Variants in NAGPA observed in about 807,000 individuals in gnomAD.
NAGPA encodes N-acetylglucosamine-1-phosphodiester alpha-N-acetylglucosaminidase, also known as alpha-N-acetylglucosaminyl phosphodiesterase.
In NAGPA, 56 loss-of-function variants were observed where a neutral mutation model predicts 48.5. The observed-to-expected ratio is 1.15, with a 90% CI of 0.93 to 1.44. The LOEUF (loss-of-function observed/expected upper bound fraction) is 1.44. Ranked by LOEUF, NAGPA falls within the 40% of genes most tolerant of loss-of-function variation. The pLI, the probability that NAGPA is intolerant of heterozygous loss-of-function variation, is 0.00. For synonymous variants in NAGPA, 399 were observed against 315.5 expected, an observed-to-expected ratio of 1.26 and a Z score of -2.81; for missense variants, 888 against 735.0, an observed-to-expected ratio of 1.21 and a Z score of -2.41.
At chr16:5,032,962 A>C (rs978489320) in intron 2 of NAGPA, 1 of 496,056 alleles carries the variant, frequency 2.0e-6, no homozygotes, top group Non-Finnish European at 3.6e-6. Flanking sequence ...CTGCACACAC[A>C]GCAATCAGAA....
In NAGPA at chr16:5,025,396, G is replaced by C. The variant is rs1391343849; in HGVS notation, c.*82C>G. ...GAGGACACCCAGATGGTCCACGCCA[G>C]TGGCCTTGAAATTTCCCCTGCAGAA... On this transcript the variant is annotated 3_prime_UTR_variant, in exon 10 of 10. Coordinates refer to ENST00000312251, the MANE Select transcript of NAGPA (RefSeq NM_016256.4). The C allele has an allele frequency of 5.8e-6, 9 of 1,538,580 alleles. No individual in the cohort carries two copies. Among genetic ancestry groups the C allele is most frequent in the South Asian group, 1.1e-5 (1 of 87,292 alleles).
chr16:5,031,932 C>G (rs370705320), intron 2 of NAGPA, 48 bp from the exon 3 acceptor site: 1 of 1,613,172 alleles, frequency 6.2e-7, no homozygotes, highest in Non-Finnish European at 8.5e-7. Flanking sequence ...GGGGCAACTG[C>G]AGATAGTCAG....
intron 5 of NAGPA, 137 bp from the exon 6 acceptor site, chr16:5,028,322 T>C (rs1265840511): frequency 6.7e-7 from 1 of 1,496,906 alleles, no homozygotes; most frequent in South Asian, 1.2e-5. Flanking sequence ...TATCTATTTT[T>C]GAGATGAGGT....
intron 3 of NAGPA, 175 bp from the exon 4 acceptor site, chr16:5,030,668 G>A (rs1314796333): frequency 3.0e-6 from 2 of 674,310 alleles, no homozygotes; most frequent in Non-Finnish European, 2.7e-6. Flanking sequence ...GGCAGCCGGG[G>A]GGTCTCTTCT....
In NAGPA at chr16:5,025,637, GA is replaced by G. The variant is rs769690422; in HGVS notation, c.1388del (p.Ile463ThrfsTer32). 16 of 1,613,708 alleles carry G rather than the reference GA, an allele frequency of 9.9e-6. No homozygotes were observed. In the East Asian group the frequency reaches 3.6e-4, roughly 36 times the overall value. On this transcript the variant is annotated frameshift_variant, in exon 10 of 10. Transcript: ENST00000312251. LOFTEE classifies it low-confidence loss of function (END_TRUNC). ...GCAAGGACAGGTTTGCTGCAGTGCTGATCAGCAGGAGGAAGGCCAGCGCCAG... is the reference window on the plus strand; with the variant it reads ...GCAAGGACAGGTTTGCTGCAGTGCTGTCAGCAGGAGGAAGGCCAGCGCCAG... ...LTLALAFLLL[I>X]STAANLSLLL...
At chr16:5,027,792 G>T in intron 7 of NAGPA, 54 bp downstream of exon 7, 1 of 1,548,706 alleles carries the variant, frequency 6.5e-7, no homozygotes, top group Non-Finnish European at 8.7e-7. Context: ...AGGAGCAGTG[G>T]GGGCTGCCGG....
Position 5,028,985 on chromosome 16 carries a change from TCCG to T in NAGPA, c.812_814del (p.Ala271del), listed in dbSNP as rs747674079. The stretch of plus-strand genomic sequence containing the variant: ...GACCACGTCCTGTTTCAGCAGGAAC[TCCG>T]CCATTTCCCACAGGTTGATGCTGCG... On this transcript the variant is annotated inframe_deletion, in exon 5 of 10. Transcript: ENST00000312251. 6.2e-7 allele frequency: 1 copy of T among 1,613,740 alleles called. No homozygotes were observed. The highest frequency in any genetic ancestry group is 8.5e-7 in the Non-Finnish European group (1 of 1,180,042).
In NAGPA at chr16:5,033,879, C is replaced by T; in HGVS notation, c.36G>A (p.Arg12=). ...ATSTGRWLLL[R]LALFGFLWEA... Reference sequence around the variant, plus strand: ...CCCAGAGGAAGCCGAATAGTGCAAGCCGGAGGAGAAGCCAGCGACCCGTGG... The same window carrying T: ...CCCAGAGGAAGCCGAATAGTGCAAGTCGGAGGAGAAGCCAGCGACCCGTGG... The change falls in exon 1 of 10, where the codon CGG becomes CGA. Residue 12 remains arginine (R), a synonymous_variant. Transcript: ENST00000312251. This position sits in a 1 kb window ranked among gnomAD's most constrained non-coding sequence, Gnocchi z 4.2. The T allele has an allele frequency of 1.3e-6, 2 of 1,549,320 alleles. No individual in the cohort carries two copies. Among genetic ancestry groups the T allele is most frequent in the South Asian group, 1.2e-5 (1 of 83,986 alleles).
At position 5,033,836 on chromosome 16, in the gene NAGPA, C is replaced by A. The variant is rs904096255; in HGVS notation, c.79G>T (p.Asp27Tyr). 11 of 1,550,780 alleles carry A rather than the reference C, an allele frequency of 7.1e-6. No individual in the cohort carries two copies. In the African/African-American group the frequency reaches 1.2e-4, roughly 17 times the overall value. ...GFLWEASGGL[D>Y]SGASRDDDLL... Reference sequence around the variant, plus strand: ...CCAGGGAGCTGCACTCACCCCGAGTCGAGGCCGCCGGACGCTTCCCAGAGG... The same window carrying A: ...CCAGGGAGCTGCACTCACCCCGAGTAGAGGCCGCCGGACGCTTCCCAGAGG... The change falls in exon 1 of 10, where the codon GAC (aspartate) becomes TAC (tyrosine). Residue 27 changes from aspartate to tyrosine, a missense_variant. Coordinates refer to ENST00000312251, the MANE Select transcript of NAGPA (RefSeq NM_016256.4). This position sits in a 1 kb window ranked among gnomAD's most constrained non-coding sequence, Gnocchi z 4.2.
intron 9 of NAGPA, 33 bp downstream of exon 9, chr16:5,027,102 C>A (rs151317776): frequency 2.0e-5 from 33 of 1,612,586 alleles, no homozygotes; most frequent in Middle Eastern, 1.7e-4. Flanking sequence ...GGATTCCTCC[C>A]GCCCTGGCCC....
At position 5,033,281 on chromosome 16, in the gene NAGPA, C is replaced by T. The variant is rs761793673; in HGVS notation, c.534G>A (p.Leu178=). 23 of 1,593,700 alleles carry T rather than the reference C, an allele frequency of 1.4e-5. No homozygotes were observed. The highest frequency in any genetic ancestry group is 1.8e-5 in the Non-Finnish European group (21 of 1,178,176). ...GCTCCCTGCCTCCTCACCCGGTGAC[C>T]AGGGTCCCGTCGCGGCGGATCCCGA... The part of the protein sequence containing the change: ...AQFGIRRDGT[L]VTGYLSEEEV... Residue 178 remains leucine (L), a synonymous_variant, in exon 2 of 10, where the codon CTG becomes CTA. Transcript: ENST00000312251. This position sits in a 1 kb window ranked among gnomAD's most constrained non-coding sequence, Gnocchi z 4.2.
chr16:5,029,087 G>C (rs780004979), intron 4 of NAGPA, 79 bp from the exon 5 acceptor site: 2 of 1,597,090 alleles, frequency 1.3e-6, no homozygotes, highest in South Asian at 2.2e-5. Flanking sequence ...CCACAGTGCA[G>C]AGCATCACGC....
chr16:5,031,702 C>T lies in NAGPA; in HGVS notation c.682+43G>A, dbSNP rs768542144. 6.2e-6 allele frequency: 10 copies of T among 1,613,782 alleles called. No individual in the cohort carries two copies. In the East Asian group the frequency reaches 2.2e-4, roughly 36 times the overall value. On this transcript the variant is annotated intron_variant, in intron 3 of 9. Coordinates refer to ENST00000312251, the MANE Select transcript of NAGPA (RefSeq NM_016256.4). The stretch of plus-strand genomic sequence containing the variant: ...AACAGCTCCGCCCAGCCCACTGGTC[C>T]TGGTTCTCGAGAGGGTTGTTGCCAA...
In NAGPA at chr16:5,025,667, G is replaced by A. The variant is rs774364501; in HGVS notation, c.1359C>T (p.Leu453=). 2 of 1,611,362 alleles carry A rather than the reference G, an allele frequency of 1.2e-6. No homozygotes were observed. Among genetic ancestry groups the A allele is most frequent in the Non-Finnish European group, 1.7e-6 (2 of 1,179,008 alleles). Reference sequence around the variant, plus strand: ...GCAGGAGGAAGGCCAGCGCCAGGGTGAGGGCTAGCCAGGCGGTCCTGCAGA... The same window carrying A: ...GCAGGAGGAAGGCCAGCGCCAGGGTAAGGGCTAGCCAGGCGGTCCTGCAGA... ...SFFTRTAWLA[L]TLALAFLLLI... Residue 453 remains leucine (L), a synonymous_variant, in exon 10 of 10, where the codon CTC becomes CTT. Transcript: ENST00000312251.
At chr16:5,031,471 G>A (rs1956095067) in intron 3 of NAGPA, 3 of 456,486 alleles carry the variant, frequency 6.6e-6, no homozygotes, top group Non-Finnish European at 1.2e-5. Context: ...TTCTCTTCCT[G>A]TACCCACAGC....
intron 2 of NAGPA, among the ~76,000 whole-genome samples, chr16:5,032,259 C>T (rs1956114059): frequency 6.6e-6 from 1 of 152,198 alleles, no homozygotes; most frequent in African/African-American, 2.4e-5. Context: ...CTCCACTGCT[C>T]TCTCCCACCT....
At position 5,031,172 on chromosome 16, in the gene NAGPA, C is replaced by T. The variant is rs187485416; in HGVS notation, c.682+573G>A. On this transcript the variant is annotated intron_variant, in intron 3 of 9. Transcript: ENST00000312251. ...CAGGTCTTGAACTCCTGGGCTCAACCGATCCTCCCGCCTCGGCCTCCCAAA... is the reference window on the plus strand; with the variant it reads ...CAGGTCTTGAACTCCTGGGCTCAACTGATCCTCCCGCCTCGGCCTCCCAAA... The T allele has an allele frequency of 9.8e-4, 168 of 171,664 alleles. 1 individual carries two copies. The highest frequency in any genetic ancestry group is 3.7e-3 in the African/African-American group (156 of 41,680). The allele number at this position is 171,664 out of a possible 1,614,324, so 10.6% of individuals were successfully genotyped here.
chr16:5,033,740 G>T lies in NAGPA; in HGVS notation c.87-12C>A. On this transcript the variant is annotated splice_polypyrimidine_tract_variant and intron_variant, in intron 1 of 9. Transcript: ENST00000312251. The surrounding 1 kb of genome is among the most constrained non-coding windows in gnomAD (Gnocchi z 4.2). Reference sequence around the variant, plus strand: ...CGTCGCGGGAGGCCCTGCGGGGACGGGCGGCCGTGAGCTCAGGGGGCTGTC... The same window carrying T: ...CGTCGCGGGAGGCCCTGCGGGGACGTGCGGCCGTGAGCTCAGGGGGCTGTC... 1.2e-6 allele frequency: 2 copies of T among 1,600,716 alleles called. No homozygotes were observed. The highest frequency in any genetic ancestry group is 8.5e-7 in the Non-Finnish European group (1 of 1,175,500).
intron 3 of NAGPA, chr16:5,031,451 C>T: frequency 2.6e-6 from 1 of 391,102 alleles, no homozygotes; most frequent in South Asian, 2.4e-5. Context: ...AGATTTTTTT[C>T]TCTTCACTTT....
Sources: allele counts gnomAD v4.1 joint callset (sites outside exome capture counted in the v4.1 genomes callset), GRCh38; gene constraint gnomAD v4.1.1; non-coding constraint Gnocchi (gnomAD v3.1); transcripts MANE v1.5; gene names NCBI Gene and HGNC (gene_info 2026-07-23, HGNC 2026-07-21).